The following FRMD4B variants were observed in gnomAD, a reference collection of about 807,000 sequenced individuals.
FRMD4B encodes FERM domain-containing protein 4B.
FRMD4B carries 74 observed loss-of-function variants against 141.5 expected under a neutral mutation model. The ratio of observed to expected loss-of-function variants is 0.52; its 90% CI spans 0.43 to 0.63. The LOEUF (loss-of-function observed/expected upper bound fraction) is 0.63. Among genes scored for constraint, FRMD4B ranks in the 30% least tolerant of loss-of-function variants. The probability of loss-of-function intolerance (pLI) is 0.00; values close to 1 mark genes in which losing one functional copy is unlikely to be tolerated. For missense variants in FRMD4B, 1,366 were observed against 1,253.4 expected, an observed-to-expected ratio of 1.09 and a Z score of -1.36; for synonymous variants, 506 against 467.9, an observed-to-expected ratio of 1.08 and a Z score of -1.05.
At chr3:69,277,860 T>C (rs1575684586) in intron 5 of FRMD4B, among the ~76,000 whole-genome samples, 2 of 11,480 alleles carry the variant, frequency 1.7e-4, no homozygotes. Context: ...TCTTTCTTTC[T>C]TTTTTTTTTT....
At chr3:69,246,778 C>T (rs1226276142) in intron 7 of FRMD4B, among the ~76,000 whole-genome samples, 1 of 152,226 alleles carries the variant, frequency 6.6e-6, no homozygotes, top group Non-Finnish European at 1.5e-5. Context: ...GTGTGCGCCA[C>T]TTCAACCTCG....
At chr3:69,232,709 A>G (rs1172750529) in intron 7 of FRMD4B, among the ~76,000 whole-genome samples, 1 of 152,132 alleles carries the variant, frequency 6.6e-6, no homozygotes, top group Non-Finnish European at 1.5e-5. Flanking sequence ...GTGGGCTTGT[A>G]CACAGCAACA....
At chr3:69,493,102 C>T (rs533217939) in intron 1 of FRMD4B, among the ~76,000 whole-genome samples, 1 of 152,326 alleles carries the variant, frequency 6.6e-6, no homozygotes, top group East Asian at 1.9e-4. Flanking sequence ...ATGCACATTC[C>T]TTTATACACA....
At chr3:69,386,557 G>A (rs977675753), upstream of FRMD4B, among the ~76,000 whole-genome samples, 2 of 142,050 alleles carry the variant, frequency 1.4e-5, no homozygotes, top group Non-Finnish European at 3.1e-5. Flanking sequence ...AGCCACAGAT[G>A]CAGAAGAGAG....
At position 69,169,353 on chromosome 3, in the gene FRMD4B, C is replaced by CTTCCTTTTTTTTTTTTTTTTTTTT. The variant is rs1553691418; in HGVS notation, c.*2507_*2508insAAAAAAAAAAAAAAAAAAAAGGAA. Among the ~76,000 whole-genome samples the CTTCCTTTTTTTTTTTTTTTTTTTT allele has an allele frequency of 1.0e-4, 3 of 29,286 alleles. 1 individual carries two copies. Among genetic ancestry groups the CTTCCTTTTTTTTTTTTTTTTTTTT allele is most frequent in the Non-Finnish European group, 1.8e-4 (1 of 5,488 alleles). 19.2% of individuals were successfully genotyped at this position (29,286 alleles called of 152,430 possible). A position where few individuals can be genotyped will look rare whatever the true frequency, so the allele number is the denominator to read the frequency against. ...AGGATTGCTGAACTTCCATTTCTTT[C>CTTCCTTTTTTTTTTTTTTTTTTTT]TTTTTTTTTTTTTTTTTTTTTTCTT... On this transcript the variant is annotated 3_prime_UTR_variant, in exon 23 of 23. Transcript: ENST00000398540.
chr3:69,525,156 T>A lies in FRMD4B; in HGVS notation c.-129+17050A>T, dbSNP rs114120529. 3.2e-3 allele frequency among the ~76,000 whole-genome samples: 480 copies of A among 152,100 alleles called. 5 individuals carry two copies. The highest frequency in any genetic ancestry group is 0.011 in the African/African-American group (452 of 41,542). ...CTGAAAGGAAAACAAGCTGTTATTG[T>A]CATAAGAAAAATAAAACAAAAGTTC... On this transcript the variant is annotated intron_variant, in intron 1 of 5. Coordinates refer to the FRMD4B transcript ENST00000459638.
At chr3:69,518,252 A>G (rs940912999) in intron 1 of FRMD4B, among the ~76,000 whole-genome samples, 1 of 152,196 alleles carries the variant, frequency 6.6e-6, no homozygotes, top group Non-Finnish European at 1.5e-5. Context: ...ATGCTTTAAT[A>G]AAAATGATCT....
chr3:69,348,041 G>A (rs1344432686), intron 1 of FRMD4B, among the ~76,000 whole-genome samples: 1 of 152,096 alleles, frequency 6.6e-6, no homozygotes, highest in Non-Finnish European at 1.5e-5. Flanking sequence ...AATGAATCCA[G>A]GAGCTGGTTT....
chr3:69,389,873 A>G (rs935546448), upstream of FRMD4B, among the ~76,000 whole-genome samples: 2 of 152,004 alleles, frequency 1.3e-5, no homozygotes, highest in African/African-American at 4.8e-5. Flanking sequence ...GAGCTAAATC[A>G]AGCTAGCTTC....
At chr3:69,293,134 C>A in intron 4 of FRMD4B, 1 of 337,210 alleles carries the variant, frequency 3.0e-6, no homozygotes. Flanking sequence ...ATGACAAAGA[C>A]GGCTGGAAGG....
In FRMD4B at chr3:69,181,240, G is replaced by T. The variant is rs768360031; in HGVS notation, c.2510C>A (p.Pro837His). 1.9e-5 allele frequency: 31 copies of T among 1,613,628 alleles called. No homozygotes were observed. The highest frequency in any genetic ancestry group is 2.5e-5 in the Non-Finnish European group (29 of 1,179,696). ...ATAGTGGGCTGAGGACCGGTAGGAA[G>T]GGTTGACACTATACTGTCCCTCGGT... ...NDTEGQYSVN[P>H]SYRSSAHYGY... is the part of the protein sequence containing the mutation. The change falls in exon 21 of 23, where the codon CCT becomes CAT. Residue 837 changes from proline to histidine, a missense_variant. Pro to His is a moderately conservative substitution (Grantham distance 77, BLOSUM62 -2). Coordinates refer to ENST00000398540, the MANE Select transcript of FRMD4B (RefSeq NM_015123.3).
At chr3:69,285,424 A>G in intron 5 of FRMD4B, among the ~76,000 whole-genome samples, 1 of 152,034 alleles carries the variant, frequency 6.6e-6, no homozygotes, top group East Asian at 1.9e-4. Context: ...AACCTGAAGA[A>G]ATAACGGCTA....
rs35202077 is a variant in FRMD4B at position 69,218,376 on chromosome 3, A to G, written c.735T>C (p.Tyr245=). The G allele has an allele frequency of 3.8e-3, 5,212 of 1,376,344 alleles. 14 individuals are homozygous for G. Among genetic ancestry groups the G allele is most frequent in the Non-Finnish European group, 4.6e-3 (4,476 of 971,064 alleles). 85.3% of individuals were successfully genotyped at this position (1,376,344 alleles called of 1,614,324 possible). The change falls in exon 10 of 23, where the codon TAT becomes TAC. Residue 245 remains tyrosine, a synonymous_variant. Transcript: ENST00000398540. The part of the protein sequence containing the change: ...GLTRGQAVVQ[Y]MKIVEALPTY... ...TCGGTAGAGCTTCTACTATTTTCAT[A>G]TACCTATGGAAAATAAATATGTATC...
intron 1 of FRMD4B, chr3:69,536,649 G>T: frequency 1.0e-6 from 1 of 990,074 alleles, no homozygotes; most frequent in Non-Finnish European, 1.6e-6. Context: ...TGCTGTGGAA[G>T]TCGAGGAGAG....
intron 1 of FRMD4B, among the ~76,000 whole-genome samples, chr3:69,470,659 T>A (rs1227391476): frequency 6.6e-6 from 1 of 152,266 alleles, no homozygotes; most frequent in South Asian, 2.1e-4. Context: ...CAACAAGTTA[T>A]CTCTGCAGCT....
chr3:69,332,016 G>C (rs1357422864), intron 1 of FRMD4B, among the ~76,000 whole-genome samples: 1 of 152,128 alleles, frequency 6.6e-6, no homozygotes, highest in African/African-American at 2.4e-5. Context: ...GAACCCAGGA[G>C]AGGGAGGTTA....
At position 69,250,288 on chromosome 3, in the gene FRMD4B, T is replaced by TGC. The variant is rs1491095488; in HGVS notation, c.502-191_502-190dup. On this transcript the variant is annotated intron_variant, in intron 5 of 22. Transcript: ENST00000398540. ...AGGGTTAAGGCGAAACCACTGTGTG[T>TGC]GCGTGTGTGTGTGTGTGTGTGTGTG... The TGC allele has an allele frequency of 1.4e-5, 7 of 501,634 alleles. No individual in the cohort carries two copies. The East Asian group carries it at 2.0e-4, about 14-fold the overall frequency. 31.1% of individuals were successfully genotyped at this position (501,634 alleles called of 1,614,324 possible).
At chr3:69,227,869 T>C (rs534507486) in intron 7 of FRMD4B, among the ~76,000 whole-genome samples, 12 of 151,356 alleles carry the variant, frequency 7.9e-5, no homozygotes, top group African/African-American at 2.4e-4. Flanking sequence ...GCAACAAATG[T>C]ACCACACTAA....
chr3:69,306,608 A>C (rs1701400814), intron 3 of FRMD4B: 2 of 152,212 alleles, frequency 1.3e-5, no homozygotes, highest in Non-Finnish European at 2.9e-5. Flanking sequence ...TAACAAGCGT[A>C]ATCTCAGAAA....
Sources: allele counts gnomAD v4.1 joint callset (sites outside exome capture counted in the v4.1 genomes callset), GRCh38; gene constraint gnomAD v4.1.1; transcripts MANE v1.5; gene names NCBI Gene and HGNC (gene_info 2026-07-23, HGNC 2026-07-21).